Variants in NABP2 observed in about 807,000 individuals in gnomAD.
NABP2 encodes the protein SOSS complex subunit B1.
Under a neutral mutation model 22.7 loss-of-function variants are expected in NABP2, and 7 were observed. That is an observed-to-expected ratio of 0.31 (90% CI 0.18 to 0.58). The LOEUF is 0.58. Among genes scored for constraint, NABP2 ranks in the 20% least tolerant of loss-of-function variants. NABP2 has a pLI of 0.89. For missense variants in NABP2, 188 were observed against 265.9 expected (o/e 0.71, Z 2.04); for synonymous variants, 107 against 99.2 (o/e 1.08, Z -0.47).
Position 56,229,097 on chromosome 12 carries a change from C to A in NABP2, c.520C>A (p.Pro174Thr), listed in dbSNP as rs752198054. ...GPHPPHTPSHPPSTRITRSQP... is the reference protein window; with the variant it reads ...GPHPPHTPSHTPSTRITRSQP... ...ACATCCCCCTCATACTCCCTCCCAC[C>A]CACCCAGCACCCGAATCACTCGAAG... The change falls in exon 7 of 7, where the codon CCA becomes ACA. Residue 174 changes from proline to threonine, a missense_variant. By Grantham distance (38) the Pro-to-Thr change is conservative. Transcript: ENST00000267023. 1 of 1,608,016 alleles carries A rather than the reference C, an allele frequency of 6.2e-7. No individual in the cohort carries two copies. Among genetic ancestry groups the A allele is most frequent in the South Asian group, 1.1e-5 (1 of 90,680 alleles).
intron 6 of NABP2, 138 bp downstream of exon 6, chr12:56,226,557 C>CCTT (rs753389685): frequency 7.4e-5 from 20 of 271,900 alleles, no homozygotes; most frequent in Admixed American, 2.4e-4. Flanking sequence ...TCCCAGACCC[C>CCTT]TTTTTTTTTT....
upstream of NABP2, chr12:56,224,218 C>A: frequency 1.7e-6 from 1 of 605,250 alleles, no homozygotes; most frequent in Non-Finnish European, 2.1e-6. Context: ...AATTCGCCCC[C>A]TTCGCGGCGC....
Position 56,224,363 on chromosome 12 carries a change from C to T in NABP2, c.-102C>T. 1 of 990,266 alleles carries T rather than the reference C, an allele frequency of 1.0e-6. No individual in the cohort carries two copies. The allele number at this position is 990,266 out of a possible 1,614,324, so 61.3% of individuals were successfully genotyped here. On this transcript the variant is annotated 5_prime_UTR_variant, in exon 1 of 7. Coordinates refer to ENST00000267023, the MANE Select transcript of NABP2 (RefSeq NM_024068.4). ...GTCCGCACTCCCGCGTTCCACGGGG[C>T]AGCATCCGGCGGCAGCGGAGCCTGT...
intron 3 of NABP2, 27 bp from the exon 4 acceptor site, chr12:56,225,597 G>A (rs1232636071): frequency 1.2e-6 from 2 of 1,614,046 alleles, no homozygotes; most frequent in African/African-American, 2.7e-5. Context: ...TCTGAGTACT[G>A]AATTTTGCTT....
Position 56,229,098 on chromosome 12 carries a change from C to CCCCCCCCCCCCCAA in NABP2, c.521_522insCCCCCCCCCCCCAA (p.Ser176ProfsTer62). The CCCCCCCCCCCCCAA allele has an allele frequency of 6.2e-7, 1 of 1,608,226 alleles. No homozygotes were observed. Among genetic ancestry groups the CCCCCCCCCCCCCAA allele is most frequent in the Non-Finnish European group, 8.5e-7 (1 of 1,177,220 alleles). ...CATCCCCCTCATACTCCCTCCCACCCACCCAGCACCCGAATCACTCGAAGC... is the reference window on the plus strand; with the variant it reads ...CATCCCCCTCATACTCCCTCCCACCCCCCCCCCCCCCCAAACCCAGCACCCGAATCACTCGAAGC... On this transcript the variant is annotated frameshift_variant, in exon 7 of 7. Coordinates refer to ENST00000267023, the MANE Select transcript of NABP2 (RefSeq NM_024068.4). LOFTEE classifies it high-confidence loss of function.
At chr12:56,228,261 ACATTAT>A (rs1869881535) in intron 6 of NABP2, among the ~76,000 whole-genome samples, 1 of 152,152 alleles carries the variant, frequency 6.6e-6, no homozygotes, top group African/African-American at 2.4e-5. Context: ...TCTAAAATGA[ACATTAT>A]CATTATCGTA....
upstream of NABP2, among the ~76,000 whole-genome samples, chr12:56,222,657 C>T (rs1188330133): frequency 4.6e-5 from 7 of 152,170 alleles, no homozygotes; most frequent in Admixed American, 4.6e-4. Flanking sequence ...GCCTAAAGAG[C>T]TCCGTGAGCA....
chr12:56,225,810 T>A (rs1592367256), intron 4 of NABP2, 115 bp downstream of exon 4: 1 of 1,127,864 alleles, frequency 8.9e-7, no homozygotes, highest in East Asian at 2.4e-5. Context: ...TGTTTGTTTG[T>A]TTGTTTGTTT....
chr12:56,229,349 T>C lies in NABP2; in HGVS notation c.*136T>C. On this transcript the variant is annotated 3_prime_UTR_variant, in exon 7 of 7. Transcript: ENST00000267023. Reference sequence around the variant, plus strand: ...TGGAGGGTGGTGAGCAGTGTCCTTATCCACCCTAATCTCATACTCCCTCAT... The same window carrying C: ...TGGAGGGTGGTGAGCAGTGTCCTTACCCACCCTAATCTCATACTCCCTCAT... 1 of 851,556 alleles carries C rather than the reference T, an allele frequency of 1.2e-6. No homozygotes were observed. The highest frequency in any genetic ancestry group is 1.8e-6 in the Non-Finnish European group (1 of 542,028). 52.8% of individuals were successfully genotyped at this position (851,556 alleles called of 1,614,324 possible). A position where few individuals can be genotyped will look rare whatever the true frequency, so the allele number is the denominator to read the frequency against.
chr12:56,224,469 G>T (rs1174546795), intron 1 of NABP2, 28 bp downstream of exon 1: 1 of 1,053,704 alleles, frequency 9.5e-7, no homozygotes, highest in African/African-American at 1.6e-5. Flanking sequence ...GGTAGGGGAG[G>T]GGATGGACCG....
chr12:56,223,288 G>A (rs924662891), upstream of NABP2, among the ~76,000 whole-genome samples: 2 of 152,124 alleles, frequency 1.3e-5, no homozygotes, highest in African/African-American at 4.8e-5. Flanking sequence ...ATGGCCAGGT[G>A]CAGCGGCTCA....
chr12:56,223,621 T>A (rs891107723), upstream of NABP2: 7 of 150,254 alleles, frequency 4.7e-5, no homozygotes, highest in African/African-American at 1.7e-4. Context: ...CTGCCTTTTG[T>A]CTCTGGTGTA....
In NABP2 at chr12:56,224,344, A is replaced by G; in HGVS notation, c.-121A>G. 2 of 987,290 alleles carry G rather than the reference A, an allele frequency of 2.0e-6. No individual in the cohort carries two copies. Among genetic ancestry groups the G allele is most frequent in the Non-Finnish European group, 2.4e-6 (2 of 830,746 alleles). The allele number at this position is 987,290 out of a possible 1,614,324, so 61.2% of individuals were successfully genotyped here. ...GGGGGAAACTTCCGGGAATGTCCGC[A>G]CTCCCGCGTTCCACGGGGCAGCATC... On this transcript the variant is annotated 5_prime_UTR_variant, in exon 1 of 7. Transcript: ENST00000267023.
upstream of NABP2, among the ~76,000 whole-genome samples, chr12:56,222,487 CCCCG>C (rs1869539462): frequency 6.6e-6 from 1 of 152,168 alleles, no homozygotes; most frequent in Admixed American, 6.5e-5. Context: ...CACGATGGCT[CCCCG>C]AACACTTGTG....
At chr12:56,224,242 C>G (rs1869648664), upstream of NABP2, 1 of 795,380 alleles carries the variant, frequency 1.3e-6, no homozygotes, top group Non-Finnish European at 1.5e-6. Context: ...AGTCTCTGAT[C>G]CCGATTGGCT....
chr12:56,225,350 C>A (rs928567369), intron 2 of NABP2, 23 bp from the exon 3 acceptor site: 1 of 1,613,942 alleles, frequency 6.2e-7, no homozygotes, highest in Non-Finnish European at 8.5e-7. Context: ...ATCCTCCCAC[C>A]TCGATTTATC....
At chr12:56,225,732 C>T in intron 4 of NABP2, 37 bp downstream of exon 4, 3 of 1,606,518 alleles carry the variant, frequency 1.9e-6, no homozygotes, top group African/African-American at 1.3e-5. Flanking sequence ...GAAGAAGCAC[C>T]AGGGCAAAGG....
In NABP2 at chr12:56,225,657, A is replaced by G. The variant is rs746599506; in HGVS notation, c.252A>G (p.Leu84=). 1.2e-6 allele frequency: 2 copies of G among 1,614,172 alleles called. No homozygotes were observed. Among genetic ancestry groups the G allele is most frequent in the Non-Finnish European group, 8.5e-7 (1 of 1,180,044 alleles). ...CAGTTTTCAAAGGTTGTCTGACACT[A>G]TATACTGGCCGTGGGGGTGATCTGC... ...YASVFKGCLT[L]YTGRGGDLQK... is the part of the protein sequence containing the mutation. The change falls in exon 4 of 7, where the codon CTA becomes CTG. Residue 84 remains leucine, a synonymous_variant. Coordinates refer to ENST00000267023, the MANE Select transcript of NABP2 (RefSeq NM_024068.4).
At chr12:56,225,726 A>C (rs1194234332) in intron 4 of NABP2, 31 bp downstream of exon 4, 5 of 1,611,840 alleles carry the variant, frequency 3.1e-6, no homozygotes, top group South Asian at 2.2e-5. Flanking sequence ...TGGGATGAAG[A>C]AGCACCAGGG....
Sources: gnomAD v4.1 joint callset for allele counts (sites outside exome capture counted in the v4.1 genomes callset) on GRCh38, gnomAD v4.1.1 for gene constraint, MANE v1.5 for transcripts, NCBI Gene and HGNC (gene_info 2026-07-23, HGNC 2026-07-21) for gene names.